Variants in MACROD2 observed in about 807,000 individuals in gnomAD.
The protein encoded by MACROD2 is ADP-ribose glycohydrolase MACROD2.
Under a neutral mutation model 70.4 loss-of-function variants are expected in MACROD2, and 36 were observed. The ratio of observed to expected loss-of-function variants is 0.51; its 90% CI spans 0.39 to 0.68. MACROD2 has a LOEUF of 0.68. Among genes scored for constraint, MACROD2 ranks in the 30% least tolerant of loss-of-function variants. MACROD2 has a pLI of 0.00. For synonymous variants in MACROD2, 172 were observed against 178.8 expected (o/e 0.96, Z 0.30); for missense variants, 496 against 538.4 (o/e 0.92, Z 0.78).
chr20:15,313,859 T>A (rs1011740826), intron 6 of MACROD2, among the ~76,000 whole-genome samples: 5 of 152,198 alleles, frequency 3.3e-5, no homozygotes, highest in Non-Finnish European at 5.9e-5. Context: ...TTTTAAAATA[T>A]CAATTTTCAA....
intron 8 of MACROD2, among the ~76,000 whole-genome samples, chr20:15,835,762 A>C (rs1435257334): frequency 2.0e-5 from 3 of 152,244 alleles, no homozygotes; most frequent in East Asian, 3.8e-4. Flanking sequence ...ATAATGAGTT[A>C]TGACTCCAGG....
rs1180758720 is a variant in MACROD2, at chr20:15,118,147, A to G, written c.419-111793A>G. ...CAAAAAAGCTGTTAATTTAAACCCT[A>G]CTTCTTAAGCCAAGCAGTGCATCTA... On this transcript the variant is annotated intron_variant, in intron 5 of 17. Coordinates refer to ENST00000684519, the MANE Select transcript of MACROD2 (RefSeq NM_001351661.2). Among the ~76,000 whole-genome samples, 5 of 151,182 alleles carry G rather than the reference A, an allele frequency of 3.3e-5. No individual in the cohort carries two copies. In the East Asian group the frequency reaches 9.7e-4, roughly 29 times the overall value.
At chr20:15,497,423 C>G (rs2047311808) in intron 7 of MACROD2, among the ~76,000 whole-genome samples, 1 of 152,134 alleles carries the variant, frequency 6.6e-6, no homozygotes. Context: ...TCCCAAGTAG[C>G]TGGCATTACA....
chr20:14,893,116 G>A (rs2073783268), intron 5 of MACROD2: 1 of 152,170 alleles, frequency 6.6e-6, no homozygotes, highest in South Asian at 2.1e-4. Context: ...ATTATAGAGT[G>A]TGATAGGAAT....
At chr20:15,266,459 T>C (rs1028734328) in intron 6 of MACROD2, among the ~76,000 whole-genome samples, 4 of 152,300 alleles carry the variant, frequency 2.6e-5, no homozygotes, top group East Asian at 1.9e-4. Context: ...CACTCTAAAG[T>C]GTAGCCAGGC....
At position 16,044,645 on chromosome 20, in the gene MACROD2, ATGCCCCT is replaced by A. The variant is rs1392541580; in HGVS notation, c.1300+9_1300+15del. 1 of 1,609,536 alleles carries A rather than the reference ATGCCCCT, an allele frequency of 6.2e-7. No individual in the cohort carries two copies. The highest frequency in any genetic ancestry group is 8.5e-7 in the Non-Finnish European group (1 of 1,176,348). On this transcript the variant is annotated splice_region_variant and intron_variant, in intron 17 of 17. Transcript: ENST00000684519. ...ACAAGAAGATCAACTAATAGGTAAGATGCCCCTTGTGGTGAGATTTTCAATGATCAAC... is the reference window on the plus strand; with the variant it reads ...ACAAGAAGATCAACTAATAGGTAAGATGTGGTGAGATTTTCAATGATCAAC...
At chr20:14,049,210 T>C (rs754231610) in intron 2 of MACROD2, among the ~76,000 whole-genome samples, 9 of 127,988 alleles carry the variant, frequency 7.0e-5, no homozygotes, top group Non-Finnish European at 1.4e-4. Flanking sequence ...AAAAAGCCTA[T>C]AACAGCATTA....
chr20:15,748,348 T>TTTCCTTCC (rs57148758), intron 8 of MACROD2, among the ~76,000 whole-genome samples: 32 of 148,878 alleles, frequency 2.1e-4, no homozygotes, highest in African/African-American at 6.7e-4. Flanking sequence ...AATTTTCCTC[T>TTTCCTTCC]TTCCTTCCTT....
At chr20:15,647,254 G>A (rs1002250878) in intron 8 of MACROD2, among the ~76,000 whole-genome samples, 1 of 152,130 alleles carries the variant, frequency 6.6e-6, no homozygotes, top group African/African-American at 2.4e-5. Context: ...GACACCAAAA[G>A]GTTAAGGAGA....
chr20:14,370,673 C>CT (rs2083314236), intron 3 of MACROD2, among the ~76,000 whole-genome samples: 1 of 152,174 alleles, frequency 6.6e-6, no homozygotes, highest in Admixed American at 6.5e-5. Context: ...CCAGCTTTAA[C>CT]TTTAACTTTG....
At chr20:15,907,358 A>G (rs2065162960) in intron 10 of MACROD2, among the ~76,000 whole-genome samples, 2 of 152,234 alleles carry the variant, frequency 1.3e-5, no homozygotes, top group Admixed American at 6.5e-5. Flanking sequence ...TAGACCTTCC[A>G]TTATAGCTGT....
chr20:14,935,519 C>T (rs1812266588), intron 5 of MACROD2, among the ~76,000 whole-genome samples: 1 of 152,122 alleles, frequency 6.6e-6, no homozygotes, highest in Admixed American at 6.5e-5. Context: ...TCTGGGATCC[C>T]TTGATATAAC....
At chr20:14,572,695 G>T (rs982482794) in intron 4 of MACROD2, among the ~76,000 whole-genome samples, 2 of 151,966 alleles carry the variant, frequency 1.3e-5, no homozygotes, top group Non-Finnish European at 2.9e-5. Flanking sequence ...ACCATTGGGG[G>T]TTTGTATTGT....
At chr20:14,720,411 C>G (rs991609540) in intron 5 of MACROD2, among the ~76,000 whole-genome samples, 2 of 151,992 alleles carry the variant, frequency 1.3e-5, no homozygotes, top group African/African-American at 4.8e-5. Flanking sequence ...AACATTCATC[C>G]TGAGTAATGT....
chr20:14,567,184 T>C (rs1979868850), intron 4 of MACROD2, among the ~76,000 whole-genome samples: 1 of 151,946 alleles, frequency 6.6e-6, no homozygotes, highest in African/African-American at 2.4e-5. Flanking sequence ...AGTACATAAA[T>C]ATATATATGT....
At chr20:14,366,961 T>C (rs948170571) in intron 3 of MACROD2, among the ~76,000 whole-genome samples, 2 of 152,222 alleles carry the variant, frequency 1.3e-5, no homozygotes, top group African/African-American at 4.8e-5. Context: ...GTATGTCTTA[T>C]AGCCTTTTGT....
chr20:15,036,957 A>G (rs1335973331), intron 5 of MACROD2, among the ~76,000 whole-genome samples: 1 of 151,716 alleles, frequency 6.6e-6, no homozygotes, highest in Non-Finnish European at 1.5e-5. Flanking sequence ...GATAATTATA[A>G]AATAATCTTT....
chr20:14,170,783 T>C (rs7270263), intron 3 of MACROD2, among the ~76,000 whole-genome samples: 145,029 of 152,260 alleles, frequency 0.95, 69,084 homozygotes, highest in East Asian at 0.99. Flanking sequence ...CTATGTTCAT[T>C]AGGGATATTG....
intron 6 of MACROD2, among the ~76,000 whole-genome samples, chr20:15,357,117 A>G (rs969165290): frequency 6.6e-6 from 1 of 152,208 alleles, no homozygotes; most frequent in African/African-American, 2.4e-5. Context: ...GAGTAAAAAA[A>G]AAAGTAGATT....
Sources: allele counts gnomAD v4.1 joint callset (sites outside exome capture counted in the v4.1 genomes callset), GRCh38; gene constraint gnomAD v4.1.1; transcripts MANE v1.5; gene names NCBI Gene and HGNC (gene_info 2026-07-23, HGNC 2026-07-21).